The following MARCHF1 variants were observed in gnomAD, a reference collection of about 807,000 sequenced individuals.
MARCHF1 encodes membrane associated ring-CH-type finger 1, also known as E3 ubiquitin-protein ligase MARCHF1.
Under a neutral mutation model 54.2 loss-of-function variants are expected in MARCHF1, and 40 were observed. The observed-to-expected ratio is 0.74, with a 90% confidence interval of 0.57 to 0.96. MARCHF1 has a LOEUF of 0.96. MARCHF1 is among the 40% of genes least tolerant of loss of function. The pLI is 0.00. For synonymous variants in MARCHF1, 236 were observed against 236.3 expected, an observed-to-expected ratio of 1.00 and a Z score of 0.01; for missense variants, 586 against 656.5, an observed-to-expected ratio of 0.89 and a Z score of 1.17.
At chr4:164,123,082 C>T (rs1412212148) in intron 1 of MARCHF1, among the ~76,000 whole-genome samples, 1 of 152,092 alleles carries the variant, frequency 6.6e-6, no homozygotes, top group Non-Finnish European at 1.5e-5. Context: ...CACAAGAAAA[C>T]TATTAGAACT....
At chr4:163,706,068 C>T (rs1428174514) in intron 4 of MARCHF1, among the ~76,000 whole-genome samples, 1 of 152,036 alleles carries the variant, frequency 6.6e-6, no homozygotes, top group Non-Finnish European at 1.5e-5. Context: ...ACTGAATATA[C>T]ACCTTCACAG....
chr4:164,124,928 G>C (rs1756148102), intron 1 of MARCHF1, among the ~76,000 whole-genome samples: 1 of 152,118 alleles, frequency 6.6e-6, no homozygotes, highest in Non-Finnish European at 1.5e-5. Flanking sequence ...AAATAACTTA[G>C]AGTATAATCG....
chr4:163,704,510 A>T (rs1390486353), intron 4 of MARCHF1, among the ~76,000 whole-genome samples: 1 of 151,884 alleles, frequency 6.6e-6, no homozygotes, highest in Non-Finnish European at 1.5e-5. Context: ...TAATAGCTTA[A>T]CAAATATGTC....
At chr4:163,643,006 T>G (rs1742611444) in intron 5 of MARCHF1, among the ~76,000 whole-genome samples, 1 of 151,802 alleles carries the variant, frequency 6.6e-6, no homozygotes, top group Non-Finnish European at 1.5e-5. Context: ...TATATACACA[T>G]ATATGTATGT....
In MARCHF1 at chr4:163,743,947, A is replaced by C. The variant is rs137893625; in HGVS notation, c.112-43084T>G. The stretch of plus-strand genomic sequence containing the variant: ...AATTGTATGACAACACAGTTTGGCT[A>C]CAGCTCCAGCACTGGTTAGGTGTTT... On this transcript the variant is annotated intron_variant, in intron 4 of 9. Transcript: ENST00000514618. Among the ~76,000 whole-genome samples the C allele has an allele frequency of 1.4e-3, 206 of 152,362 alleles. 1 individual carries two copies. The highest frequency in any genetic ancestry group is 4.4e-3 in the African/African-American group (185 of 41,586).
chr4:164,279,393 C>G (rs1240312496), intron 1 of MARCHF1, among the ~76,000 whole-genome samples: 1 of 151,150 alleles, frequency 6.6e-6, no homozygotes, highest in African/African-American at 2.4e-5. Context: ...TCTGTCAAAA[C>G]TAAAAGGAAA....
intron 1 of MARCHF1, among the ~76,000 whole-genome samples, chr4:164,243,347 T>C (rs1361001180): frequency 3.5e-5 from 5 of 144,708 alleles, no homozygotes; most frequent in African/African-American, 1.0e-4. Flanking sequence ...GAAAAGAATT[T>C]TCAACCCAGA....
intron 4 of MARCHF1, among the ~76,000 whole-genome samples, chr4:163,717,805 G>T (rs1393842761): frequency 3.3e-5 from 5 of 152,172 alleles, no homozygotes. Flanking sequence ...CTTTTGAGAA[G>T]TGTCTGTTCA....
intron 4 of MARCHF1, among the ~76,000 whole-genome samples, chr4:163,753,623 A>G (rs1250286144): frequency 6.6e-6 from 1 of 152,140 alleles, no homozygotes; most frequent in Non-Finnish European, 1.5e-5. Flanking sequence ...CTGGACCTAA[A>G]GACGGGAGCT....
intron 3 of MARCHF1, among the ~76,000 whole-genome samples, chr4:163,962,261 A>G (rs1281948137): frequency 6.6e-6 from 1 of 151,922 alleles, no homozygotes; most frequent in African/African-American, 2.4e-5. Context: ...TAAAAGTGCA[A>G]GCTGACATCA....
intron 5 of MARCHF1, among the ~76,000 whole-genome samples, chr4:163,681,236 A>T (rs1042646513): frequency 6.6e-6 from 1 of 151,862 alleles, no homozygotes; most frequent in African/African-American, 2.4e-5. Context: ...ACCATTAACC[A>T]TTTTCAGGCT....
chr4:164,332,639 C>G (rs1161800868), intron 1 of MARCHF1, among the ~76,000 whole-genome samples: 1 of 152,034 alleles, frequency 6.6e-6, no homozygotes, highest in East Asian at 1.9e-4. Flanking sequence ...TTAGGGCTGG[C>G]CTTGAACAGA....
At chr4:163,760,197 C>T (rs1398065591) in intron 4 of MARCHF1, among the ~76,000 whole-genome samples, 1 of 152,194 alleles carries the variant, frequency 6.6e-6, no homozygotes, top group African/African-American at 2.4e-5. Context: ...GCCAGCATGG[C>T]TGATCTGCTC....
At chr4:163,591,605 C>G (rs971038584) in intron 7 of MARCHF1, among the ~76,000 whole-genome samples, 1 of 151,988 alleles carries the variant, frequency 6.6e-6, no homozygotes, top group Non-Finnish European at 1.5e-5. Context: ...CTAAAGATGG[C>G]AAAGCACTAG....
rs890449420 is a variant in MARCHF1, at chr4:163,949,844, G to A, written c.-39+38657C>T. ...CCTCTGCTCAGCTCTCAGCAGAGAG[G>A]AGACCCATATTGGGTAGCTCCTCTA... On this transcript the variant is annotated intron_variant, in intron 3 of 9. Transcript: ENST00000514618. 5.1e-4 allele frequency among the ~76,000 whole-genome samples: 78 copies of A among 152,306 alleles called. 1 individual carries two copies. The highest frequency in any genetic ancestry group is 3.4e-3 in the Middle Eastern group (1 of 294).
At chr4:163,707,762 T>C (rs1744989952) in intron 4 of MARCHF1, among the ~76,000 whole-genome samples, 1 of 144,812 alleles carries the variant, frequency 6.9e-6, no homozygotes, top group Non-Finnish European at 1.5e-5. Flanking sequence ...ATGAGGACAC[T>C]TAATATACAA....
chr4:163,961,242 T>G (rs1284864614), intron 3 of MARCHF1, among the ~76,000 whole-genome samples: 1 of 151,972 alleles, frequency 6.6e-6, no homozygotes, highest in Non-Finnish European at 1.5e-5. Context: ...ATCTATAGAA[T>G]AGCTGTCAAT....
intron 2 of MARCHF1, among the ~76,000 whole-genome samples, chr4:164,007,249 G>C (rs546059322): frequency 9.4e-5 from 14 of 148,910 alleles, no homozygotes; most frequent in South Asian, 4.2e-4. Context: ...GGGAGGCTGA[G>C]GCAGGAGAAT....
chr4:164,176,966 CTCTCTCTCTCTCTCTATATATATAT>C lies in MARCHF1; in HGVS notation c.-322-65329_-322-65305del, dbSNP rs1730690310. Among the ~76,000 whole-genome samples, 11 of 46,732 alleles carry C rather than the reference CTCTCTCTCTCTCTCTATATATATAT, an allele frequency of 2.4e-4. No individual in the cohort carries two copies. The South Asian group carries it at 9.5e-3, about 40-fold the overall frequency. The allele number at this position is 46,732 out of a possible 152,430, so 30.7% of individuals were successfully genotyped here. On this transcript the variant is annotated intron_variant, in intron 1 of 9. Coordinates refer to ENST00000514618, the MANE Select transcript of MARCHF1 (RefSeq NM_001394959.1). The stretch of plus-strand genomic sequence containing the variant: ...GCTCTCTCTCTCTCTCTCTCTCTCT[CTCTCTCTCTCTCTCTATATATATAT>C]ATATATATATATATATATACAAATG...
Sources: gnomAD v4.1 joint callset for allele counts (sites outside exome capture counted in the v4.1 genomes callset) on GRCh38, gnomAD v4.1.1 for gene constraint, MANE v1.5 for transcripts, NCBI Gene and HGNC (gene_info 2026-07-23, HGNC 2026-07-21) for gene names.